Variants in ROBO1 observed in about 807,000 individuals in gnomAD.
The protein encoded by ROBO1 is roundabout homolog 1.
Under a neutral mutation model 195.9 loss-of-function variants are expected in ROBO1, and 149 were observed. The ratio of observed to expected loss-of-function variants is 0.76; its 90% CI spans 0.67 to 0.87. The LOEUF (loss-of-function observed/expected upper bound fraction) is 0.87, where lower values mean the gene tolerates loss of function less well. Among genes scored for constraint, ROBO1 ranks in the 40% least tolerant of loss-of-function variants. The pLI is 0.00. For synonymous variants in ROBO1, 816 were observed against 733.2 expected (o/e 1.11, Z -1.82); for missense variants, 1,933 against 2,068.3 (o/e 0.93, Z 1.27).
intron 2 of ROBO1, among the ~76,000 whole-genome samples, chr3:79,292,353 T>C (rs200302874): frequency 6.6e-6 from 1 of 152,236 alleles, no homozygotes; most frequent in Non-Finnish European, 1.5e-5. Context: ...CTCTTCCTAT[T>C]TGAATACGCT....
intron 8 of ROBO1, among the ~76,000 whole-genome samples, chr3:78,707,407 A>T (rs1208666625): frequency 6.6e-6 from 1 of 152,204 alleles, no homozygotes; most frequent in East Asian, 1.9e-4. Context: ...CACAGTTGGC[A>T]TTAATACTTA....
intron 4 of ROBO1, among the ~76,000 whole-genome samples, chr3:78,896,009 A>G (rs937135741): frequency 6.6e-6 from 1 of 152,208 alleles, no homozygotes; most frequent in African/African-American, 2.4e-5. Context: ...CACCATTGAC[A>G]TATCATCAAC....
At chr3:78,967,158 G>T (rs564589047) in intron 3 of ROBO1, among the ~76,000 whole-genome samples, 5 of 151,964 alleles carry the variant, frequency 3.3e-5, no homozygotes, top group African/African-American at 1.2e-4. Flanking sequence ...ACTGTTGATG[G>T]CTGCCTGAAA....
chr3:79,031,393 A>C (rs1340016348), intron 3 of ROBO1, among the ~76,000 whole-genome samples: 1 of 152,226 alleles, frequency 6.6e-6, no homozygotes, highest in Non-Finnish European at 1.5e-5. Context: ...CTACAAGATA[A>C]AGGAATATCT....
intron 2 of ROBO1, among the ~76,000 whole-genome samples, chr3:79,258,378 T>G (rs2082877002): frequency 6.6e-6 from 1 of 152,230 alleles, no homozygotes; most frequent in Non-Finnish European, 1.5e-5. Flanking sequence ...ATGATGAAAA[T>G]ATGTCTGTGA....
chr3:79,300,831 T>C (rs2032904365), intron 2 of ROBO1, among the ~76,000 whole-genome samples: 1 of 152,152 alleles, frequency 6.6e-6, no homozygotes, highest in Non-Finnish European at 1.5e-5. Flanking sequence ...ATCGACACTC[T>C]GTAGCTACTC....
At chr3:79,490,095 T>C (rs1464786921) in intron 2 of ROBO1, among the ~76,000 whole-genome samples, 1 of 152,210 alleles carries the variant, frequency 6.6e-6, no homozygotes, top group African/African-American at 2.4e-5. Flanking sequence ...TCATATAAAT[T>C]CCTCGTCTCT....
At chr3:78,791,370 A>C (rs2084015005) in intron 4 of ROBO1, among the ~76,000 whole-genome samples, 2 of 152,180 alleles carry the variant, frequency 1.3e-5, no homozygotes, top group South Asian at 4.1e-4. Context: ...ACGGCAAAAA[A>C]TGTCCTTTGC....
At chr3:79,479,962 A>T (rs1938750340) in intron 2 of ROBO1, among the ~76,000 whole-genome samples, 2 of 152,194 alleles carry the variant, frequency 1.3e-5, no homozygotes. Flanking sequence ...TTCAATAGAA[A>T]ATTTGCATTT....
chr3:78,856,865 AGAAAGACATTTG>A (rs1205888351), intron 4 of ROBO1, among the ~76,000 whole-genome samples: 6 of 150,928 alleles, frequency 4.0e-5, no homozygotes, highest in African/African-American at 1.5e-4. Flanking sequence ...ATCCTATAAA[AGAAAGACATTTG>A]GAAAGTCTCA....
intron 2 of ROBO1, among the ~76,000 whole-genome samples, chr3:79,273,225 G>A (rs889340343): frequency 7.2e-5 from 11 of 151,954 alleles, no homozygotes; most frequent in African/African-American, 1.7e-4. Flanking sequence ...TTGTAACCGC[G>A]GTTGTGGTGT....
chr3:79,754,813 T>C (rs1273907177), intron 1 of ROBO1, among the ~76,000 whole-genome samples: 1 of 152,124 alleles, frequency 6.6e-6, no homozygotes, highest in Non-Finnish European at 1.5e-5. Context: ...GCGCAAACAA[T>C]TTTCTCTTAA....
At chr3:78,856,189 T>C (rs1459368991) in intron 4 of ROBO1, among the ~76,000 whole-genome samples, 1 of 151,814 alleles carries the variant, frequency 6.6e-6, no homozygotes, top group Non-Finnish European at 1.5e-5. Context: ...AAAATCTGTA[T>C]TACTGTTTCT....
Position 79,074,583 on chromosome 3 carries a change from C to CATTATTATT in ROBO1, c.172+50864_172+50872dup, listed in dbSNP as rs1228969024. Reference sequence around the variant, plus strand: ...CAGACGCATGCCACCATGTTCAGCTCATTATTATTATTATTATTATTATAT... The same window carrying CATTATTATT: ...CAGACGCATGCCACCATGTTCAGCTCATTATTATTATTATTATTATTATTATTATTATAT... On this transcript the variant is annotated intron_variant, in intron 3 of 30. Transcript: ENST00000464233. 3.5e-3 allele frequency among the ~76,000 whole-genome samples: 523 copies of CATTATTATT among 150,004 alleles called. 6 individuals carry two copies. Among genetic ancestry groups the CATTATTATT allele is most frequent in the African/African-American group, 0.012 (484 of 40,874 alleles).
chr3:79,682,882 G>C (rs1946990384), intron 1 of ROBO1, among the ~76,000 whole-genome samples: 1 of 152,038 alleles, frequency 6.6e-6, no homozygotes, highest in African/African-American at 2.4e-5. Context: ...TAAGTTCAGA[G>C]TGGCTTCAAA....
At chr3:79,638,489 A>G (rs1945561802) in intron 1 of ROBO1, among the ~76,000 whole-genome samples, 1 of 152,144 alleles carries the variant, frequency 6.6e-6, no homozygotes, top group Non-Finnish European at 1.5e-5. Context: ...CACCTGGCTC[A>G]GGATGGTCTT....
chr3:79,229,334 T>C (rs996164749), intron 2 of ROBO1, among the ~76,000 whole-genome samples: 5 of 152,174 alleles, frequency 3.3e-5, no homozygotes, highest in Non-Finnish European at 5.9e-5. Flanking sequence ...ATCAGTCATA[T>C]GAATGACATC....
chr3:79,747,364 C>T (rs1232839229), intron 1 of ROBO1, among the ~76,000 whole-genome samples: 1 of 151,904 alleles, frequency 6.6e-6, no homozygotes, highest in Non-Finnish European at 1.5e-5. Flanking sequence ...TATGTACATA[C>T]AGATTTTAAA....
intron 2 of ROBO1, among the ~76,000 whole-genome samples, chr3:79,202,225 C>A (rs1287435711): frequency 6.6e-6 from 1 of 151,864 alleles, no homozygotes; most frequent in Non-Finnish European, 1.5e-5. Flanking sequence ...CTTTTGATAC[C>A]TTTAGTTTTT....
Sources: allele counts gnomAD v4.1 joint callset (sites outside exome capture counted in the v4.1 genomes callset), GRCh38; gene constraint gnomAD v4.1.1; transcripts MANE v1.5; gene names NCBI Gene and HGNC (gene_info 2026-07-23, HGNC 2026-07-21).